Variants in LARS2 observed in about 807,000 individuals in gnomAD.
LARS2 encodes leucyl-tRNA synthetase 2, mitochondrial.
A neutral mutation model predicts 116.6 loss-of-function variants in LARS2; 81 were observed. The ratio of observed to expected loss-of-function variants is 0.69; its 90% CI spans 0.58 to 0.84. The LOEUF (loss-of-function observed/expected upper bound fraction) is 0.84, where lower values mean the gene tolerates loss of function less well. Among genes scored for constraint, LARS2 ranks in the 40% least tolerant of loss-of-function variants. LARS2 has a pLI of 0.00. For synonymous variants in LARS2, 396 were observed against 407.2 expected, an observed-to-expected ratio of 0.97 and a Z score of 0.33; for missense variants, 968 against 1,114.5, an observed-to-expected ratio of 0.87 and a Z score of 1.87.
chr3:45,393,315 G>A (rs1488940186), intron 2 of LARS2, among the ~76,000 whole-genome samples: 1 of 152,086 alleles, frequency 6.6e-6, no homozygotes, highest in African/African-American at 2.4e-5. Flanking sequence ...GGTGGCTCAC[G>A]CCTATAATCC....
At chr3:45,468,484 T>C (rs1235696773) in intron 8 of LARS2, among the ~76,000 whole-genome samples, 1 of 152,214 alleles carries the variant, frequency 6.6e-6, no homozygotes, top group East Asian at 1.9e-4. Flanking sequence ...AGCCTCTCTC[T>C]TATCTTGTAG....
At chr3:45,529,284 C>G (rs1700579294) in intron 20 of LARS2, among the ~76,000 whole-genome samples, 1 of 152,038 alleles carries the variant, frequency 6.6e-6, no homozygotes, top group Non-Finnish European at 1.5e-5. Context: ...AGCTAAGTAG[C>G]CGCCGGGCAC....
intron 10 of LARS2, among the ~76,000 whole-genome samples, chr3:45,482,770 CA>C (rs1699726813): frequency 6.6e-6 from 1 of 152,178 alleles, no homozygotes; most frequent in African/African-American, 2.4e-5. Context: ...GAGGCTTAAA[CA>C]GGAGTTTATT....
intron 21 of LARS2, among the ~76,000 whole-genome samples, chr3:45,543,865 A>G (rs894967267): frequency 1.3e-5 from 2 of 152,234 alleles, no homozygotes; most frequent in Non-Finnish European, 2.9e-5. Context: ...ATGCTAACTT[A>G]AGAAAAAGAG....
In LARS2 at chr3:45,547,563, C is replaced by T; in HGVS notation, c.*33C>T. ...GAGGCTGCAGCTACCACGAGGGCCT[C>T]TGAGGAACCTCCTTCCAGGCCTGGG... On this transcript the variant is annotated 3_prime_UTR_variant, in exon 22 of 22. Transcript: ENST00000645846. 6.4e-7 allele frequency: 1 copy of T among 1,564,000 alleles called. No individual in the cohort carries two copies. Among genetic ancestry groups the T allele is most frequent in the East Asian group, 2.3e-5 (1 of 44,360 alleles).
chr3:45,454,747 C>T (rs1422435578), intron 7 of LARS2, among the ~76,000 whole-genome samples: 5 of 152,170 alleles, frequency 3.3e-5, no homozygotes, highest in Non-Finnish European at 7.3e-5. Flanking sequence ...GCTTAAAAAT[C>T]AGCATGTTCA....
chr3:45,425,795 C>T (rs1291237085), intron 6 of LARS2, among the ~76,000 whole-genome samples: 3 of 152,102 alleles, frequency 2.0e-5, no homozygotes, highest in African/African-American at 7.2e-5. Flanking sequence ...TGCTTGCTTT[C>T]GTGTAATCAC....
At chr3:45,445,787 C>CTATTATT (rs1699008636) in intron 6 of LARS2, among the ~76,000 whole-genome samples, 1 of 152,188 alleles carries the variant, frequency 6.6e-6, no homozygotes, top group South Asian at 2.1e-4. Context: ...CCACTGGGGG[C>CTATTATT]ACAGATGTTT....
intron 3 of LARS2, among the ~76,000 whole-genome samples, chr3:45,395,051 T>C (rs1363525999): frequency 1.3e-5 from 2 of 152,160 alleles, no homozygotes; most frequent in Admixed American, 1.3e-4. Flanking sequence ...AAATAGGAGC[T>C]CTACCAGATG....
intron 6 of LARS2, among the ~76,000 whole-genome samples, chr3:45,425,318 T>C (rs961184624): frequency 6.6e-6 from 1 of 152,210 alleles, no homozygotes; most frequent in Non-Finnish European, 1.5e-5. Context: ...GTGTATCAAT[T>C]TGGAGCTTTA....
At chr3:45,480,336 A>G (rs1159698901) in intron 10 of LARS2, among the ~76,000 whole-genome samples, 1 of 152,258 alleles carries the variant, frequency 6.6e-6, no homozygotes, top group East Asian at 1.9e-4. Flanking sequence ...GTTTCCATGC[A>G]GTATCCCTAG....
chr3:45,456,264 T>G (rs1307325770), intron 7 of LARS2, among the ~76,000 whole-genome samples: 1 of 152,134 alleles, frequency 6.6e-6, no homozygotes, highest in East Asian at 1.9e-4. Context: ...ACAGTTATGA[T>G]TTGTCAATTA....
In LARS2 at chr3:45,514,119, T is replaced by G. The variant is rs191391574; in HGVS notation, c.1861+884T>G. 2.1e-3 allele frequency among the ~76,000 whole-genome samples: 326 copies of G among 151,754 alleles called. 1 individual carries two copies. The highest frequency in any genetic ancestry group is 7.0e-3 in the African/African-American group (288 of 41,338). ...TACTCAGGAGGCTGAGGCAGGAGAA[T>G]CACTTGAACCCAGGAGGTGGAGGTT... On this transcript the variant is annotated intron_variant, in intron 16 of 21. Coordinates refer to ENST00000645846, the MANE Select transcript of LARS2 (RefSeq NM_015340.4).
intron 21 of LARS2, among the ~76,000 whole-genome samples, chr3:45,544,664 T>G (rs1700850142): frequency 6.6e-6 from 1 of 152,158 alleles, no homozygotes; most frequent in Non-Finnish European, 1.5e-5. Flanking sequence ...GGTGGCAGGA[T>G]GGAGCTAAAT....
At position 45,520,339 on chromosome 3, in the gene LARS2, G is replaced by A. The variant is rs145158055; in HGVS notation, c.2292+43G>A. 7.2e-3 allele frequency: 11,025 copies of A among 1,522,726 alleles called. 60 individuals carry two copies. The highest frequency in any genetic ancestry group is 8.5e-3 in the Non-Finnish European group (9,303 of 1,097,184). 94.3% of individuals were successfully genotyped at this position (1,522,726 alleles called of 1,614,324 possible). A position where few individuals can be genotyped will look rare whatever the true frequency, so the allele number is the denominator to read the frequency against. The stretch of plus-strand genomic sequence containing the variant: ...ATTTGCTGGTAGCAGAGGAGGGAGG[G>A]AGAGGTGTGGCAAGGGGCCCCACAG... On this transcript the variant is annotated intron_variant, in intron 19 of 21. Transcript: ENST00000645846.
At chr3:45,465,039 G>A (rs766918433) in intron 8 of LARS2, among the ~76,000 whole-genome samples, 5 of 151,892 alleles carry the variant, frequency 3.3e-5, no homozygotes, top group African/African-American at 7.3e-5. Context: ...AGCCCATGCC[G>A]GCTCTGGACC....
intron 19 of LARS2, among the ~76,000 whole-genome samples, chr3:45,522,449 G>A (rs1700469267): frequency 6.6e-6 from 1 of 152,200 alleles, no homozygotes; most frequent in Admixed American, 6.5e-5. Flanking sequence ...CATGACACAA[G>A]GCCAGGCACA....
chr3:45,514,615 G>A (rs547189191), intron 16 of LARS2, among the ~76,000 whole-genome samples: 40 of 152,334 alleles, frequency 2.6e-4, no homozygotes, highest in African/African-American at 9.4e-4. Flanking sequence ...TGCAGTTTGT[G>A]CGCTACACAA....
intron 4 of LARS2, among the ~76,000 whole-genome samples, chr3:45,403,094 A>C (rs1698179841): frequency 7.0e-6 from 1 of 142,234 alleles, no homozygotes; most frequent in African/African-American, 2.6e-5. Flanking sequence ...AACAAGAGCG[A>C]AACTCCGTCT....
Sources: allele counts gnomAD v4.1 joint callset (sites outside exome capture counted in the v4.1 genomes callset), GRCh38; gene constraint gnomAD v4.1.1; transcripts MANE v1.5; gene names NCBI Gene and HGNC (gene_info 2026-07-23, HGNC 2026-07-21).